The following AGMO variants were observed in gnomAD, a reference collection of about 807,000 sequenced individuals.
AGMO encodes the protein glyceryl-ether monooxygenase.
Under a neutral mutation model 60.2 loss-of-function variants are expected in AGMO, and 75 were observed. The observed-to-expected ratio is 1.25, with a 90% confidence interval of 1.03 to 1.51. AGMO has a LOEUF of 1.51. AGMO is among the 40% of genes most tolerant of loss of function. AGMO has a pLI of 0.00. For synonymous variants in AGMO, 261 were observed against 177.1 expected (o/e 1.47, Z -3.76); for missense variants, 763 against 525.5 (o/e 1.45, Z -4.42).
At chr7:15,223,646 A>C (rs1781987122) in intron 12 of AGMO, among the ~76,000 whole-genome samples, 1 of 151,938 alleles carries the variant, frequency 6.6e-6, no homozygotes, top group Admixed American at 6.6e-5. Flanking sequence ...AGTTATAAAA[A>C]ACTCCCATAG....
intron 12 of AGMO, among the ~76,000 whole-genome samples, chr7:15,236,464 G>A (rs865927082): frequency 3.9e-5 from 6 of 152,046 alleles, no homozygotes; most frequent in Non-Finnish European, 5.9e-5. Context: ...TGTGGCAAAG[G>A]AAGATAAAGA....
At chr7:15,493,360 C>CACACACA (rs974145716) in intron 3 of AGMO, among the ~76,000 whole-genome samples, 1 of 93,358 alleles carries the variant, frequency 1.1e-5, no homozygotes, top group Non-Finnish European at 2.1e-5. Flanking sequence ...CACACACACA[C>CACACACA]ACTTCTTTTT....
chr7:15,382,998 AT>A (rs1211228089), intron 10 of AGMO, among the ~76,000 whole-genome samples: 5 of 148,726 alleles, frequency 3.4e-5, no homozygotes, highest in Admixed American at 3.4e-4. Context: ...TATCACCTCA[AT>A]TTTTTTTTCA....
At chr7:15,301,960 A>T (rs1031917935) in intron 12 of AGMO, among the ~76,000 whole-genome samples, 6 of 152,192 alleles carry the variant, frequency 3.9e-5, no homozygotes, top group Admixed American at 6.5e-5. Context: ...GGGAAATAGT[A>T]TCAGAGGAGA....
chr7:15,255,849 G>A (rs921343959), intron 12 of AGMO, among the ~76,000 whole-genome samples: 1 of 152,178 alleles, frequency 6.6e-6, no homozygotes, highest in African/African-American at 2.4e-5. Flanking sequence ...AATTGGCCAG[G>A]TTGTGGTTTT....
rs1274518634 is a variant in AGMO, at chr7:15,531,101, A to G, written c.409+13671T>C. ...TATATTCTATATATATATTCTATAT[A>G]TATTCTATATATATTCTATATATAT... On this transcript the variant is annotated intron_variant, in intron 3 of 12. Coordinates refer to ENST00000342526, the MANE Select transcript of AGMO (RefSeq NM_001004320.2). 1.0e-3 allele frequency among the ~76,000 whole-genome samples: 49 copies of G among 47,088 alleles called. 2 individuals are homozygous for G. The highest frequency in any genetic ancestry group is 3.7e-3 in the South Asian group (6 of 1,636). 30.9% of individuals were successfully genotyped at this position (47,088 alleles called of 152,430 possible).
At chr7:15,375,342 T>G (rs1783406761) in intron 10 of AGMO, among the ~76,000 whole-genome samples, 1 of 151,496 alleles carries the variant, frequency 6.6e-6, no homozygotes, top group African/African-American at 2.4e-5. Context: ...GAAAAGATGT[T>G]AAAAGACTGT....
At chr7:15,548,622 A>T (rs936124655) in intron 2 of AGMO, among the ~76,000 whole-genome samples, 20 of 149,434 alleles carry the variant, frequency 1.3e-4, no homozygotes, top group African/African-American at 5.0e-4. Flanking sequence ...GAGAAAAAAT[A>T]ATAAAAAGAA....
At chr7:15,324,030 A>C (rs542264674) in intron 12 of AGMO, among the ~76,000 whole-genome samples, 4 of 152,294 alleles carry the variant, frequency 2.6e-5, no homozygotes, top group African/African-American at 7.2e-5. Context: ...ATATTTATGT[A>C]ATTGTTCTAT....
At chr7:15,163,597 A>G in the AGMO span, among the ~76,000 whole-genome samples, 1 of 151,582 alleles carries the variant, frequency 6.6e-6, no homozygotes, top group South Asian at 2.1e-4. Flanking sequence ...TTTATTTTTA[A>G]TTTTGTTTAT....
chr7:15,329,569 G>A (rs759646139), intron 12 of AGMO, among the ~76,000 whole-genome samples: 23 of 152,170 alleles, frequency 1.5e-4, no homozygotes, highest in Non-Finnish European at 3.1e-4. Flanking sequence ...TTCTATCAGA[G>A]AGGAATAACC....
chr7:15,305,384 G>C (rs1246392174), intron 12 of AGMO, among the ~76,000 whole-genome samples: 1 of 151,750 alleles, frequency 6.6e-6, no homozygotes, highest in South Asian at 2.1e-4. Context: ...GGCACTTATT[G>C]TGAGCAATTT....
At chr7:15,471,292 T>C (rs1383502121) in intron 3 of AGMO, among the ~76,000 whole-genome samples, 1 of 151,954 alleles carries the variant, frequency 6.6e-6, no homozygotes, top group Non-Finnish European at 1.5e-5. Context: ...TATAGAACTC[T>C]AAATTTAATG....
intron 12 of AGMO, among the ~76,000 whole-genome samples, chr7:15,308,787 T>C (rs1047722406): frequency 2.6e-5 from 4 of 152,126 alleles, no homozygotes; most frequent in African/African-American, 9.7e-5. Context: ...TTCACATAAC[T>C]CTTGGAAGCC....
chr7:15,362,450 A>G (rs1782803441), intron 12 of AGMO, among the ~76,000 whole-genome samples: 1 of 152,182 alleles, frequency 6.6e-6, no homozygotes, highest in African/African-American at 2.4e-5. Context: ...AATAATAGTA[A>G]CACTCTAATA....
intron 9 of AGMO, among the ~76,000 whole-genome samples, chr7:15,386,337 T>G (rs1243851253): frequency 6.6e-6 from 1 of 152,172 alleles, no homozygotes; most frequent in Non-Finnish European, 1.5e-5. Flanking sequence ...AGCATTTAAG[T>G]TTCCCCAAAA....
At chr7:15,560,714 T>G (rs976179957) in intron 1 of AGMO, among the ~76,000 whole-genome samples, 9 of 152,198 alleles carry the variant, frequency 5.9e-5, no homozygotes, top group African/African-American at 1.9e-4. Flanking sequence ...TTTCTAATGA[T>G]GAAATTCAAA....
intron 12 of AGMO, among the ~76,000 whole-genome samples, chr7:15,233,543 G>A (rs946547630): frequency 2.0e-5 from 3 of 150,768 alleles, no homozygotes; most frequent in African/African-American, 7.5e-5. Flanking sequence ...AATGGTTACA[G>A]AGAGTTGTTT....
intron 3 of AGMO, among the ~76,000 whole-genome samples, chr7:15,537,404 C>G (rs1239418518): frequency 1.3e-5 from 2 of 151,988 alleles, no homozygotes; most frequent in Non-Finnish European, 2.9e-5. Context: ...ACATTACGTT[C>G]TAAGACTAAA....
Sources: gnomAD v4.1 joint callset for allele counts (sites outside exome capture counted in the v4.1 genomes callset) on GRCh38, gnomAD v4.1.1 for gene constraint, MANE v1.5 for transcripts, NCBI Gene and HGNC (gene_info 2026-07-23, HGNC 2026-07-21) for gene names.